The following DCTN1 variants were observed in gnomAD, a reference collection of about 807,000 sequenced individuals.
DCTN1 encodes 150 kDa dynein-associated polypeptide.
A neutral mutation model predicts 161.2 loss-of-function variants in DCTN1; 61 were observed. The observed-to-expected ratio is 0.38, with a 90% CI of 0.31 to 0.47. The LOEUF is 0.47. DCTN1 is among the 20% of genes least tolerant of loss of function. DCTN1 has a pLI of 0.99. For missense variants in DCTN1, 1,404 were observed against 1,623.7 expected (o/e 0.86, Z 2.33); for synonymous variants, 653 against 632.4 (o/e 1.03, Z -0.49).
At chr2:74,365,697 CCA>C (rs1298758047) in intron 24 of DCTN1, 40 bp from the exon 25 acceptor site, 12 of 1,613,954 alleles carry the variant, frequency 7.4e-6, no homozygotes, top group Non-Finnish European at 1.0e-5. Context: ...GACATCCTCC[CCA>C]CAGTCCCTGG....
intron 26 of DCTN1, chr2:74,364,675 T>C: frequency 3.1e-6 from 1 of 323,764 alleles, no homozygotes; most frequent in Non-Finnish European, 6.0e-6. Context: ...AAACACAGTG[T>C]CCAAGCAGAG....
intron 30 of DCTN1, 32 bp from the exon 31 acceptor site, chr2:74,362,173 T>G: frequency 3.1e-6 from 5 of 1,597,792 alleles, no homozygotes; most frequent in East Asian, 2.2e-5. Flanking sequence ...CAAGGGTTCA[T>G]TTATGGGACC....
Position 74,371,658 on chromosome 2 carries a change from G to A in DCTN1, c.524C>T (p.Ala175Val), listed in dbSNP as rs1391794938. 3.8e-6 allele frequency: 6 copies of A among 1,598,836 alleles called. No homozygotes were observed. The South Asian group carries it at 5.7e-5, about 15-fold the overall frequency. The change falls in exon 8 of 32, where the codon GCA becomes GTA. Residue 175 changes from alanine (A) to valine (V), a missense_variant. Transcript: ENST00000628224. ...SSLGPSGSAS[A>V]GELSSSEPST... is the part of the protein sequence containing the mutation. The stretch of plus-strand genomic sequence containing the variant: ...GGGCTCACTGCTGCTCAGCTCACCT[G>A]CTGACGCTGAGCCAGAGGGGCCCAG...
chr2:74,372,939 G>C lies in DCTN1; in HGVS notation c.442C>G (p.Arg148Gly), dbSNP rs148810193. 8 of 1,613,894 alleles carry C rather than the reference G, an allele frequency of 5.0e-6. No individual in the cohort carries two copies. The highest frequency in any genetic ancestry group is 6.8e-6 in the Non-Finnish European group (8 of 1,180,002). Residue 148 changes from arginine to glycine, a missense_variant, in exon 7 of 32, where the codon CGG becomes GGG. This residue lies in a region of DCTN1 where 174 missense variants were observed against 175.6 expected (regional missense o/e 0.99). Transcript: ENST00000628224. ...GCCTGTTTTCTCACCTTGGGTCGCC[G>C]AGTTGTGGTCTGGACAGGCAACAGG... ...KAPTARKTTT[R>G]RPKPTRPAST...
intron 1 of DCTN1, among the ~76,000 whole-genome samples, chr2:74,386,330 T>A (rs1675728778): frequency 6.6e-6 from 1 of 152,206 alleles, no homozygotes; most frequent in Non-Finnish European, 1.5e-5. Flanking sequence ...CTACTAATCC[T>A]CTATGCCTCA....
Position 74,370,857 on chromosome 2 carries a change from C to T in DCTN1, c.844-32G>A. On this transcript the variant is annotated intron_variant, in intron 9 of 31. Transcript: ENST00000628224. This position sits in a 1 kb window ranked among gnomAD's most constrained non-coding sequence, Gnocchi z 4.4. ...AAGAAGTGGAGGTGGGAGGGGGTAC[C>T]AGCACAGAGATGCCCCAGGCCTTTC... 1 of 1,613,858 alleles carries T rather than the reference C, an allele frequency of 6.2e-7. No homozygotes were observed. Among genetic ancestry groups the T allele is most frequent in the Non-Finnish European group, 8.5e-7 (1 of 1,179,876 alleles).
chr2:74,382,942 G>C (rs1035707249), upstream of DCTN1, among the ~76,000 whole-genome samples: 5 of 151,680 alleles, frequency 3.3e-5, no homozygotes, highest in Non-Finnish European at 5.9e-5. Context: ...GGGCGCGGTG[G>C]CGGGCGCCTG....
At chr2:74,362,883 A>G in intron 29 of DCTN1, 111 bp downstream of exon 29, 1 of 1,389,146 alleles carries the variant, frequency 7.2e-7, no homozygotes. Context: ...AAGCCAAAGA[A>G]CACTGCTGGG....
chr2:74,374,494 T>C (rs1297962823), intron 5 of DCTN1, 154 bp from the exon 6 acceptor site: 3 of 1,501,434 alleles, frequency 2.0e-6, no homozygotes, highest in Admixed American at 4.1e-5. Context: ...GATTAGTGCA[T>C]CAAATCCCAA....
chr2:74,373,606 A>C (rs566991202), intron 6 of DCTN1, among the ~76,000 whole-genome samples: 1 of 152,332 alleles, frequency 6.6e-6, no homozygotes, highest in South Asian at 2.1e-4. Context: ...AGAGCTCAGC[A>C]AAGTAACCCC....
At position 74,371,662 on chromosome 2, in the gene DCTN1, A is replaced by C. The variant is rs777506106; in HGVS notation, c.520T>G (p.Ser174Ala). ...SSSLGPSGSA[S>A]AGELSSSEPS... is the part of the protein sequence containing the mutation. ...TCACTGCTGCTCAGCTCACCTGCTG[A>C]CGCTGAGCCAGAGGGGCCCAGGGAG... is the stretch of plus-strand genomic sequence containing the variant. Residue 174 changes from serine (S) to alanine (A), a missense_variant, in exon 8 of 32, where the codon TCA becomes GCA. Around this residue, in one of 9 missense-constraint regions of DCTN1, gnomAD observed 174 missense variants for 175.6 expected, o/e 0.99. Coordinates refer to ENST00000628224, the MANE Select transcript of DCTN1 (RefSeq NM_004082.5). 2 of 1,600,138 alleles carry C rather than the reference A, an allele frequency of 1.2e-6. No homozygotes were observed. Among genetic ancestry groups the C allele is most frequent in the Non-Finnish European group, 1.7e-6 (2 of 1,174,694 alleles).
Position 74,370,135 on chromosome 2 carries a change from G to A in DCTN1, c.1287+51C>T, listed in dbSNP as rs1158661698. On this transcript the variant is annotated intron_variant, in intron 12 of 31. Transcript: ENST00000628224. The surrounding 1 kb of genome is among the most constrained non-coding windows in gnomAD (Gnocchi z 4.4). ...TACCTAGAAAGAGGAGGCATCAACT[G>A]ATAGGAGAGTCAGGTGGGGGATTCT... The A allele has an allele frequency of 6.2e-7, 1 of 1,613,826 alleles. No homozygotes were observed. Among genetic ancestry groups the A allele is most frequent in the Non-Finnish European group, 8.5e-7 (1 of 1,180,006 alleles).
At chr2:74,379,921 C>A (rs1675433158) in intron 1 of DCTN1, 84 bp downstream of exon 1, 1 of 1,423,852 alleles carries the variant, frequency 7.0e-7, no homozygotes, top group African/African-American at 1.4e-5. Flanking sequence ...GCCTATCTCC[C>A]CAGCCCCCAC....
upstream of DCTN1, among the ~76,000 whole-genome samples, chr2:74,383,091 A>AT (rs1409270976): frequency 7.2e-4 from 109 of 150,398 alleles, no homozygotes; most frequent in African/African-American, 2.4e-3. Flanking sequence ...CAAAAAAAAA[A>AT]AAATAAATAA....
upstream of DCTN1, among the ~76,000 whole-genome samples, chr2:74,384,485 T>C (rs957087447): frequency 6.6e-6 from 1 of 152,114 alleles, no homozygotes; most frequent in African/African-American, 2.4e-5. Flanking sequence ...TGATATTAAA[T>C]ACCACTAAAA....
At chr2:74,389,961 ACTGCTTTGTCC>A (rs1447704479) in intron 1 of DCTN1, among the ~76,000 whole-genome samples, 6 of 152,140 alleles carry the variant, frequency 3.9e-5, no homozygotes, top group Non-Finnish European at 7.3e-5. Context: ...CTGCTAAAAT[ACTGCTTTGTCC>A]CTACACCCAT....
chr2:74,368,802 C>G lies in DCTN1; in HGVS notation c.1780G>C (p.Asp594His), dbSNP rs1200525088. Residue 594 changes from aspartate to histidine, a missense_variant, in exon 16 of 32, where the codon GAC becomes CAC. Coordinates refer to ENST00000628224, the MANE Select transcript of DCTN1 (RefSeq NM_004082.5). ...HMSLLTAFMPDSFLRPGGDHD... is the reference protein window; with the variant it reads ...HMSLLTAFMPHSFLRPGGDHD... ...TCCCCACCTGGCCGAAGGAAGCTGT[C>G]AGGCATGAAGGCTGTCAGCAGGGAC... is the stretch of plus-strand genomic sequence containing the variant. 5.0e-6 allele frequency: 8 copies of G among 1,614,164 alleles called. No individual in the cohort carries two copies. The highest frequency in any genetic ancestry group is 6.8e-6 in the Non-Finnish European group (8 of 1,180,062).
chr2:74,365,335 T>C, intron 25 of DCTN1, 94 bp from the exon 26 acceptor site: 1 of 1,571,840 alleles, frequency 6.4e-7, no homozygotes, highest in Non-Finnish European at 8.7e-7. Flanking sequence ...GCCCTGCCAG[T>C]GAGAAGCCAG....
chr2:74,368,083 TCTCA>T lies in DCTN1; in HGVS notation c.1899_1902del (p.Ser633ArgfsTer27). Reference sequence around the variant, plus strand: ...CGCAGCCCAGGCCGCTCTGAACAGTTCTCACTTAGTTCAAACTTCTCCTGGGCCT... The same window carrying T: ...CGCAGCCCAGGCCGCTCTGAACAGTTCTTAGTTCAAACTTCTCCTGGGCCT... On this transcript the variant is annotated frameshift_variant, in exon 17 of 32. Coordinates refer to ENST00000628224, the MANE Select transcript of DCTN1 (RefSeq NM_004082.5). LOFTEE classifies it high-confidence loss of function. 3 of 1,607,844 alleles carry T rather than the reference TCTCA, an allele frequency of 1.9e-6. No individual in the cohort carries two copies. Among genetic ancestry groups the T allele is most frequent in the Non-Finnish European group, 2.5e-6 (3 of 1,176,886 alleles).
Sources: gnomAD v4.1 joint callset for allele counts (sites outside exome capture counted in the v4.1 genomes callset) on GRCh38, gnomAD v4.1.1 for gene constraint, gnomAD v4.1.1 regional missense constraint, Gnocchi (gnomAD v3.1) non-coding constraint, MANE v1.5 for transcripts, NCBI Gene and HGNC (gene_info 2026-07-23, HGNC 2026-07-21) for gene names.